UNC79: variants seen among roughly 807,000 people sequenced by gnomAD.
UNC79 encodes the protein protein unc-79 homolog.
Under a neutral mutation model 283.1 loss-of-function variants are expected in UNC79, and 37 were observed. That is an observed-to-expected ratio of 0.13 (90% CI 0.10 to 0.17). The LOEUF (loss-of-function observed/expected upper bound fraction) is 0.17, where lower values mean the gene tolerates loss of function less well. Ranked by LOEUF, UNC79 falls within the 10% of genes least tolerant of loss-of-function variation. The pLI is 1.00. For synonymous variants in UNC79, 1,107 were observed against 1,200.2 expected (o/e 0.92, Z 1.61); for missense variants, 2,272 against 3,211.1 (o/e 0.71, Z 7.07).
At chr14:93,584,837 C>T (rs1262514282) in intron 20 of UNC79, among the ~76,000 whole-genome samples, 2 of 151,494 alleles carry the variant, frequency 1.3e-5, no homozygotes, top group Non-Finnish European at 2.9e-5. Context: ...GCTGGGACTA[C>T]AGGCACCCAC....
intron 1 of UNC79, among the ~76,000 whole-genome samples, chr14:93,402,346 G>A (rs549501160): frequency 1.4e-5 from 2 of 147,318 alleles, no homozygotes; most frequent in South Asian, 4.4e-4. Context: ...GACTGTGAAT[G>A]CACTGTAAAT....
At chr14:93,414,243 C>T (rs1223455370) in intron 1 of UNC79, among the ~76,000 whole-genome samples, 2 of 152,158 alleles carry the variant, frequency 1.3e-5, no homozygotes, top group Non-Finnish European at 2.9e-5. Context: ...GCTTTCTACA[C>T]ATGGCTAGCC....
At chr14:93,669,705 T>G (rs1183032918) in intron 40 of UNC79, among the ~76,000 whole-genome samples, 1 of 152,116 alleles carries the variant, frequency 6.6e-6, no homozygotes, top group African/African-American at 2.4e-5. Context: ...AAAAATTAGC[T>G]GGGCATGGTA....
intron 14 of UNC79, among the ~76,000 whole-genome samples, chr14:93,546,768 G>T (rs931258191): frequency 6.6e-6 from 1 of 152,022 alleles, no homozygotes; most frequent in African/African-American, 2.4e-5. Context: ...GATTGAGTTA[G>T]CAGTTAATGA....
At chr14:93,602,415 T>C (rs756788493) in intron 25 of UNC79, among the ~76,000 whole-genome samples, 1 of 152,202 alleles carries the variant, frequency 6.6e-6, no homozygotes, top group Non-Finnish European at 1.5e-5. Context: ...TGGCTGTAAG[T>C]ATTTAGCTTT....
chr14:93,582,370 A>G (rs916610332), intron 20 of UNC79, 26 bp downstream of exon 20: 1 of 1,609,828 alleles, frequency 6.2e-7, no homozygotes, highest in African/African-American at 1.3e-5. Context: ...CTGCCGGGGA[A>G]TGCGCCACGT....
chr14:93,648,568 A>C (rs1421406224), intron 35 of UNC79, among the ~76,000 whole-genome samples: 3 of 152,078 alleles, frequency 2.0e-5, no homozygotes, highest in Non-Finnish European at 4.4e-5. Context: ...GGTTTAAACA[A>C]CTGGGTGGGC....
At chr14:93,405,243 A>G (rs1028065531) in intron 1 of UNC79, among the ~76,000 whole-genome samples, 5 of 151,534 alleles carry the variant, frequency 3.3e-5, no homozygotes, top group Non-Finnish European at 7.4e-5. Flanking sequence ...AGATCACACC[A>G]TTGCACTCCA....
At chr14:93,334,984 A>G (rs2139859598) in intron 1 of UNC79, 1 of 152,370 alleles carries the variant, frequency 6.6e-6, no homozygotes, top group East Asian at 1.9e-4. Context: ...ACTAACCTTT[A>G]TTACTTGACT....
chr14:93,416,706 C>T (rs1312182223), intron 1 of UNC79, among the ~76,000 whole-genome samples: 40 of 150,034 alleles, frequency 2.7e-4, no homozygotes, highest in Admixed American at 1.5e-3. Flanking sequence ...TGGGTGCTCC[C>T]GTATTGGGTG....
rs942965517 is a variant in UNC79 at position 93,387,143 on chromosome 14, A to G, written c.-351+53620A>G. ...TATTTAGTAGAGACGGGGTTTCACC[A>G]TGTTAGTCAGGCTGGTCGCAAACTC... is the stretch of plus-strand genomic sequence containing the variant. On this transcript the variant is annotated intron_variant, in intron 1 of 49. Transcript: ENST00000256339. Among the ~76,000 whole-genome samples, 22 of 151,658 alleles carry G rather than the reference A, an allele frequency of 1.5e-4. 1 individual carries two copies. In the East Asian group the frequency reaches 2.1e-3, roughly 15 times the overall value.
chr14:93,532,143 T>C (rs574138132), intron 10 of UNC79, among the ~76,000 whole-genome samples: 1 of 152,062 alleles, frequency 6.6e-6, no homozygotes, highest in African/African-American at 2.4e-5. Flanking sequence ...ATTTAAAAGA[T>C]TCCCCCTTCA....
At position 93,617,404 on chromosome 14, in the gene UNC79, A is replaced by G. The variant is rs2066809381; in HGVS notation, c.4224+100A>G. The G allele has an allele frequency of 3.9e-6, 5 of 1,292,626 alleles. No individual in the cohort carries two copies. The highest frequency in any genetic ancestry group is 2.4e-5 in the East Asian group (1 of 41,572). 80.1% of individuals were successfully genotyped at this position (1,292,626 alleles called of 1,614,324 possible). ...AGTCTTTAGTTGAAAATTTTGTAGA[A>G]GTTTGACCTTCAGAAGGAAGATCAG... On this transcript the variant is annotated intron_variant, in intron 28 of 48. Transcript: ENST00000555664. This position sits in a 1 kb window ranked among gnomAD's most constrained non-coding sequence, Gnocchi z 4.5.
At chr14:93,686,500 A>G in intron 42 of UNC79, 72 bp from the exon 46 acceptor site, 1 of 1,522,672 alleles carries the variant, frequency 6.6e-7, no homozygotes. Flanking sequence ...AACAACGTGA[A>G]ACCAGAGTGA....
chr14:93,451,301 T>C (rs913093407), intron 1 of UNC79, among the ~76,000 whole-genome samples: 1 of 152,122 alleles, frequency 6.6e-6, no homozygotes, highest in African/African-American at 2.4e-5. Context: ...GGCCATTTAC[T>C]GGGGGCACCC....
At chr14:93,384,221 G>A (rs1478305061) in intron 1 of UNC79, among the ~76,000 whole-genome samples, 1 of 152,174 alleles carries the variant, frequency 6.6e-6, no homozygotes, top group African/African-American at 2.4e-5. Flanking sequence ...CCTAAGGAGT[G>A]GGATTGCTGG....
intron 47 of UNC79, among the ~76,000 whole-genome samples, chr14:93,697,896 G>A (rs934037715): frequency 2.6e-5 from 4 of 152,166 alleles, no homozygotes; most frequent in East Asian, 1.9e-4. Context: ...TTTCCTCTAA[G>A]CACTGGTTTA....
chr14:93,557,493 T>C (rs925962218), intron 14 of UNC79, among the ~76,000 whole-genome samples: 34 of 152,144 alleles, frequency 2.2e-4, no homozygotes, highest in African/African-American at 8.0e-4. Context: ...GATTTAACCA[T>C]AGCTGCACAA....
At chr14:93,516,388 T>C (rs1256125500) in intron 7 of UNC79, among the ~76,000 whole-genome samples, 4 of 149,702 alleles carry the variant, frequency 2.7e-5, no homozygotes, top group African/African-American at 4.9e-5. Flanking sequence ...CCTTTGCATT[T>C]TCATATAAAT....
Sources: allele counts gnomAD v4.1 joint callset (sites outside exome capture counted in the v4.1 genomes callset), GRCh38; gene constraint gnomAD v4.1.1; non-coding constraint Gnocchi (gnomAD v3.1); transcripts MANE v1.5; gene names NCBI Gene and HGNC (gene_info 2026-07-23, HGNC 2026-07-21).